MSRA: variants seen among roughly 807,000 people sequenced by gnomAD.
MSRA encodes methionine sulfoxide reductase A, also known as mitochondrial peptide methionine sulfoxide reductase.
MSRA carries 54 observed loss-of-function variants against 31.3 expected under a neutral mutation model. That is an observed-to-expected ratio of 1.73 (90% CI 1.39 to 2.17). MSRA has a LOEUF of 2.17. Ranked by LOEUF, MSRA falls within the 30% of genes most tolerant of loss-of-function variation. The probability of loss-of-function intolerance (pLI) is 0.00; values close to 1 mark genes in which losing one functional copy is unlikely to be tolerated. For synonymous variants in MSRA, 169 were observed against 116.5 expected (o/e 1.45, Z -2.90); for missense variants, 507 against 300.9 (o/e 1.69, Z -5.07).
intron 2 of MSRA, among the ~76,000 whole-genome samples, chr8:10,230,144 G>T (rs1041464423): frequency 1.3e-5 from 2 of 152,248 alleles, no homozygotes; most frequent in South Asian, 4.1e-4. Flanking sequence ...TGTCCAGGGA[G>T]GTGGGCCCCA....
chr8:10,271,734 T>G (rs1585327607), intron 3 of MSRA, among the ~76,000 whole-genome samples: 4 of 117,496 alleles, frequency 3.4e-5, no homozygotes, highest in Admixed American at 3.3e-4. Context: ...TTTTTTTTTT[T>G]GGAGATGGAC....
intron 3 of MSRA, among the ~76,000 whole-genome samples, chr8:10,247,653 C>T (rs1162295895): frequency 1.3e-5 from 2 of 152,118 alleles, no homozygotes; most frequent in East Asian, 1.9e-4. Context: ...TGAACACTAC[C>T]TGCTAAGTTA....
intron 5 of MSRA, among the ~76,000 whole-genome samples, chr8:10,397,717 C>T (rs148977871): frequency 3.3e-5 from 5 of 152,314 alleles, no homozygotes; most frequent in Non-Finnish European, 7.3e-5. Flanking sequence ...CTCTCAAATT[C>T]CATGTAAAAA....
intron 5 of MSRA, among the ~76,000 whole-genome samples, chr8:10,394,620 G>A (rs1401540014): frequency 6.6e-6 from 1 of 152,208 alleles, no homozygotes; most frequent in Non-Finnish European, 1.5e-5. Flanking sequence ...AACAGCTGTG[G>A]AACTTACCTG....
At chr8:10,269,136 C>A (rs764561862) in intron 3 of MSRA, among the ~76,000 whole-genome samples, 8 of 152,226 alleles carry the variant, frequency 5.3e-5, no homozygotes, top group Non-Finnish European at 1.2e-4. Context: ...CCACAAAATG[C>A]AATTTGCTGC....
In MSRA at chr8:10,381,456, G is replaced by A. The variant is rs1001728038; in HGVS notation, c.544-46692G>A. On this transcript the variant is annotated intron_variant, in intron 5 of 5. Transcript: ENST00000317173. ...CCCAGAACATTTCAGGGGAAGAGCT[G>A]GGAGGAAGGGACTTATGAGGCCTAG... Among the ~76,000 whole-genome samples, 5 of 152,222 alleles carry A rather than the reference G, an allele frequency of 3.3e-5. No individual in the cohort carries two copies. The East Asian group carries it at 9.6e-4, about 29-fold the overall frequency.
chr8:10,251,795 C>G (rs557006177), intron 3 of MSRA, among the ~76,000 whole-genome samples: 2 of 151,950 alleles, frequency 1.3e-5, no homozygotes, highest in African/African-American at 4.8e-5. Context: ...TATTGTAAAC[C>G]TCAATCACCA....
At chr8:10,070,720 A>T (rs1335912269) in intron 1 of MSRA, among the ~76,000 whole-genome samples, 3 of 152,124 alleles carry the variant, frequency 2.0e-5, no homozygotes, top group Admixed American at 2.0e-4. Flanking sequence ...TTATTTCATC[A>T]TTTCAAGGAT....
At chr8:10,307,769 C>G (rs924122437) in intron 4 of MSRA, among the ~76,000 whole-genome samples, 3 of 152,162 alleles carry the variant, frequency 2.0e-5, no homozygotes, top group African/African-American at 7.2e-5. Flanking sequence ...GGAGCAGTGG[C>G]CTTTGCAGAG....
intron 2 of MSRA, among the ~76,000 whole-genome samples, chr8:10,211,617 C>T (rs935543881): frequency 1.6e-4 from 24 of 152,212 alleles, no homozygotes; most frequent in South Asian, 4.2e-4. Flanking sequence ...ATCTTTAGAG[C>T]GCCCGCCCTG....
At chr8:10,202,116 A>AT (rs1808555160) in intron 1 of MSRA, among the ~76,000 whole-genome samples, 1 of 152,240 alleles carries the variant, frequency 6.6e-6, no homozygotes, top group African/African-American at 2.4e-5. Flanking sequence ...CATGCCATTG[A>AT]TTTTGAAACA....
At chr8:10,385,634 G>C (rs187739266) in intron 5 of MSRA, among the ~76,000 whole-genome samples, 2 of 152,154 alleles carry the variant, frequency 1.3e-5, no homozygotes, top group Non-Finnish European at 1.5e-5. Flanking sequence ...TTCAGTGGGG[G>C]ACACATGGCA....
At chr8:10,241,994 G>A (rs34919878) in intron 2 of MSRA, among the ~76,000 whole-genome samples, 43,260 of 152,154 alleles carry the variant, frequency 0.28, 7,952 homozygotes, top group Non-Finnish European at 0.43. Context: ...AAAGACAGCC[G>A]GATGTGGTGG....
At chr8:10,179,350 G>A (rs1256134025) in intron 1 of MSRA, among the ~76,000 whole-genome samples, 1 of 152,202 alleles carries the variant, frequency 6.6e-6, no homozygotes, top group African/African-American at 2.4e-5. Flanking sequence ...ACTTTGGGCT[G>A]TAAGGGTTGG....
chr8:10,094,365 G>C (rs140420189), intron 1 of MSRA, among the ~76,000 whole-genome samples: 83 of 152,320 alleles, frequency 5.4e-4, no homozygotes, highest in African/African-American at 2.0e-3. Context: ...AGTTTTCTTA[G>C]ATAAATGACA....
chr8:10,401,798 C>G (rs1807482030), intron 5 of MSRA, among the ~76,000 whole-genome samples: 1 of 152,062 alleles, frequency 6.6e-6, no homozygotes, highest in South Asian at 2.1e-4. Context: ...ATGAAATAAG[C>G]CAGTTACAAA....
At chr8:10,182,036 G>C (rs952124443) in intron 1 of MSRA, among the ~76,000 whole-genome samples, 2 of 152,072 alleles carry the variant, frequency 1.3e-5, no homozygotes, top group African/African-American at 4.8e-5. Flanking sequence ...AGTTCTCTTG[G>C]TACATGACCC....
intron 5 of MSRA, among the ~76,000 whole-genome samples, chr8:10,362,925 A>C (rs919337709): frequency 6.6e-6 from 1 of 151,966 alleles, no homozygotes; most frequent in Non-Finnish European, 1.5e-5. Flanking sequence ...TCAACTGCTT[A>C]AATGTCATTT....
intron 1 of MSRA, among the ~76,000 whole-genome samples, chr8:10,207,622 A>G (rs1809112293): frequency 6.6e-6 from 1 of 152,186 alleles, no homozygotes; most frequent in Non-Finnish European, 1.5e-5. Context: ...CAGCCTACTC[A>G]TTTATAAAAT....
Sources: gnomAD v4.1 joint callset for allele counts (sites outside exome capture counted in the v4.1 genomes callset) on GRCh38, gnomAD v4.1.1 for gene constraint, MANE v1.5 for transcripts, NCBI Gene and HGNC (gene_info 2026-07-23, HGNC 2026-07-21) for gene names.